The following CTNNA3 variants were observed in gnomAD, a reference collection of about 807,000 sequenced individuals.
CTNNA3 encodes the protein catenin alpha 3, also known as catenin alpha-3.
Under a neutral mutation model 95.7 loss-of-function variants are expected in CTNNA3, and 76 were observed. The observed-to-expected ratio is 0.79, with a 90% CI of 0.66 to 0.96. The LOEUF (loss-of-function observed/expected upper bound fraction) is 0.96, where lower values mean the gene tolerates loss of function less well. CTNNA3 is among the 40% of genes least tolerant of loss of function. The probability of loss-of-function intolerance (pLI) is 0.00; values close to 1 mark genes in which losing one functional copy is unlikely to be tolerated. For missense variants in CTNNA3, 1,191 were observed against 1,089.8 expected, an observed-to-expected ratio of 1.09 and a Z score of -1.31; for synonymous variants, 431 against 374.4, an observed-to-expected ratio of 1.15 and a Z score of -1.74.
At chr10:66,540,312 G>T (rs1841805451) in intron 10 of CTNNA3, among the ~76,000 whole-genome samples, 1 of 152,122 alleles carries the variant, frequency 6.6e-6, no homozygotes, top group South Asian at 2.1e-4. Flanking sequence ...GCAATTTGTT[G>T]TACATGAAAT....
intron 7 of CTNNA3, among the ~76,000 whole-genome samples, chr10:66,982,089 G>A (rs1020041574): frequency 4.6e-5 from 7 of 152,026 alleles, no homozygotes; most frequent in Non-Finnish European, 8.8e-5. Flanking sequence ...AGAATTCCAC[G>A]AAAAAGGATA....
rs1589889163 is a variant in CTNNA3 at position 66,264,083 on chromosome 10, A to G, written c.1884+16387T>C. ...GTTATTACATCCTAAGAAAAAAACA[A>G]TTCCTATCATAGGTCAAACTTATGC... On this transcript the variant is annotated intron_variant, in intron 13 of 17. Coordinates refer to ENST00000433211, the MANE Select transcript of CTNNA3 (RefSeq NM_013266.4). Among the ~76,000 whole-genome samples the G allele has an allele frequency of 3.3e-5, 5 of 152,124 alleles. No individual in the cohort carries two copies. In the East Asian group the frequency reaches 9.6e-4, roughly 29 times the overall value.
chr10:66,432,701 A>T (rs2093307422), intron 11 of CTNNA3, among the ~76,000 whole-genome samples: 1 of 151,934 alleles, frequency 6.6e-6, no homozygotes, highest in South Asian at 2.1e-4. Flanking sequence ...CATGTGCAGA[A>T]CATGCAGCTT....
chr10:67,335,386 ATTTAT>A, intron 5 of CTNNA3, among the ~76,000 whole-genome samples: 1 of 152,334 alleles, frequency 6.6e-6, no homozygotes, highest in Middle Eastern at 3.4e-3. Context: ...TGTAAAATAA[ATTTAT>A]TTTGACACCA....
At chr10:66,523,950 T>A (rs1383074104) in intron 10 of CTNNA3, among the ~76,000 whole-genome samples, 3 of 152,192 alleles carry the variant, frequency 2.0e-5, no homozygotes, top group South Asian at 4.1e-4. Flanking sequence ...CCCAGGTTGG[T>A]CCTTACCTAC....
intron 10 of CTNNA3, among the ~76,000 whole-genome samples, chr10:66,521,977 T>C (rs1269350030): frequency 6.6e-6 from 1 of 152,222 alleles, no homozygotes; most frequent in Non-Finnish European, 1.5e-5. Flanking sequence ...TGGAATGTTT[T>C]TTCAACTTTA....
intron 11 of CTNNA3, among the ~76,000 whole-genome samples, chr10:66,446,893 T>G (rs1589263856): frequency 1.3e-5 from 2 of 152,014 alleles, no homozygotes; most frequent in South Asian, 4.2e-4. Context: ...TTGTCCCTGT[T>G]TGCAGATGAC....
At chr10:67,523,257 A>T (rs958908212) in intron 4 of CTNNA3, among the ~76,000 whole-genome samples, 1 of 152,212 alleles carries the variant, frequency 6.6e-6, no homozygotes, top group African/African-American at 2.4e-5. Context: ...CTATGAATAT[A>T]AAAGACATTT....
intron 1 of CTNNA3, among the ~76,000 whole-genome samples, chr10:67,688,630 C>G (rs1840782387): frequency 6.6e-6 from 1 of 152,116 alleles, no homozygotes; most frequent in Admixed American, 6.6e-5. Flanking sequence ...TTAGCTGCCT[C>G]TTTTTCAGGG....
At chr10:65,970,210 T>A (rs2133267476) in intron 16 of CTNNA3, among the ~76,000 whole-genome samples, 1 of 152,178 alleles carries the variant, frequency 6.6e-6, no homozygotes, top group East Asian at 1.9e-4. Flanking sequence ...AAAAATATTT[T>A]CCAGACAAAC....
At chr10:67,651,046 C>T (rs1839865272) in intron 1 of CTNNA3, among the ~76,000 whole-genome samples, 1 of 151,782 alleles carries the variant, frequency 6.6e-6, no homozygotes, top group South Asian at 2.1e-4. Flanking sequence ...CATAAGTTGT[C>T]ATGTTCTTGT....
intron 5 of CTNNA3, among the ~76,000 whole-genome samples, chr10:67,460,025 T>G (rs1847316954): frequency 6.6e-6 from 1 of 152,098 alleles, no homozygotes; most frequent in African/African-American, 2.4e-5. Context: ...TTTTTATAAT[T>G]CCCTGATTTT....
At chr10:67,260,721 G>A (rs1866570678) in intron 5 of CTNNA3, among the ~76,000 whole-genome samples, 2 of 150,374 alleles carry the variant, frequency 1.3e-5, no homozygotes, top group African/African-American at 2.4e-5. Context: ...TTTCACTCTT[G>A]TTGCCCAGCC....
chr10:66,523,331 A>T, intron 10 of CTNNA3, among the ~76,000 whole-genome samples: 1 of 152,194 alleles, frequency 6.6e-6, no homozygotes, highest in Non-Finnish European at 1.5e-5. Context: ...ACATTTTATA[A>T]GAATATTTTC....
At position 67,653,626 on chromosome 10, in the gene CTNNA3, G is replaced by C. The variant is rs540260163; in HGVS notation, c.-5-6108C>G. Among the ~76,000 whole-genome samples the C allele has an allele frequency of 5.9e-5, 9 of 152,138 alleles. No homozygotes were observed. The South Asian group carries it at 1.9e-3, about 32-fold the overall frequency. On this transcript the variant is annotated intron_variant, in intron 1 of 17. Transcript: ENST00000433211. ...TCACATTCCTTTTATGTCATATATA[G>C]TCCCTTGGAATCATATTTCGTGTTA...
chr10:67,093,629 T>C (rs914165626), intron 7 of CTNNA3, among the ~76,000 whole-genome samples: 2 of 151,784 alleles, frequency 1.3e-5, no homozygotes, highest in Non-Finnish European at 2.9e-5. Flanking sequence ...GACCAGTCAT[T>C]TTTTGGTGCA....
chr10:66,157,446 TGATA>T (rs369692152), intron 13 of CTNNA3, among the ~76,000 whole-genome samples: 2,290 of 151,132 alleles, frequency 0.015, 23 homozygotes, highest in Middle Eastern at 0.021. Flanking sequence ...GATAGATAGA[TGATA>T]GATAGATAGA....
At chr10:66,458,065 C>T (rs1911324) in intron 11 of CTNNA3, among the ~76,000 whole-genome samples, 30,785 of 152,082 alleles carry the variant, frequency 0.2, 3,465 homozygotes, top group South Asian at 0.3. Flanking sequence ...TCTCTAGAGA[C>T]ATGCAGGGAA....
intron 13 of CTNNA3, among the ~76,000 whole-genome samples, chr10:66,274,777 TC>T (rs2091356101): frequency 6.6e-6 from 1 of 152,000 alleles, no homozygotes; most frequent in Non-Finnish European, 1.5e-5. Flanking sequence ...CATAAAAGAG[TC>T]TGCTGAGAAT....
Sources: allele counts gnomAD v4.1 joint callset (sites outside exome capture counted in the v4.1 genomes callset), GRCh38; gene constraint gnomAD v4.1.1; transcripts MANE v1.5; gene names NCBI Gene and HGNC (gene_info 2026-07-23, HGNC 2026-07-21).